Variants in HIF1AN observed in about 807,000 individuals in gnomAD.
HIF1AN encodes hypoxia inducible factor 1 subunit alpha inhibitor.
In HIF1AN, 21 loss-of-function variants were observed where a neutral mutation model predicts 47.7. The observed-to-expected ratio is 0.44, with a 90% CI of 0.31 to 0.63. The LOEUF is 0.63. Ranked by LOEUF, HIF1AN falls within the 30% of genes least tolerant of loss-of-function variation. HIF1AN has a pLI of 0.07. For synonymous variants in HIF1AN, 152 were observed against 155.9 expected (o/e 0.98, Z 0.18); for missense variants, 320 against 432.7 (o/e 0.74, Z 2.31).
chr10:100,536,612 G>A lies in HIF1AN; in HGVS notation c.379G>A (p.Glu127Lys). Reference protein sequence around the residue: ...RSNREEMKFHEFVEKLQDIQQ... With the variant: ...RSNREEMKFHKFVEKLQDIQQ... ...CAACAGGGAAGAAATGAAATTTCAT[G>A]AGTTCGTTGAGAAACTGCAGGATAT... is the stretch of plus-strand genomic sequence containing the variant. Residue 127 changes from glutamate (E) to lysine (K), a missense_variant, in exon 2 of 8, where the codon GAG becomes AAG. Physicochemically the swap from Glu to Lys is moderately conservative, Grantham distance 56. Transcript: ENST00000299163. 6.2e-7 allele frequency: 1 copy of A among 1,614,192 alleles called. No individual in the cohort carries two copies. Among genetic ancestry groups the A allele is most frequent in the Non-Finnish European group, 8.5e-7 (1 of 1,180,024 alleles).
At chr10:100,544,714 T>C (rs1283811465) in intron 3 of HIF1AN, among the ~76,000 whole-genome samples, 1 of 152,198 alleles carries the variant, frequency 6.6e-6, no homozygotes, top group East Asian at 1.9e-4. Context: ...TTTAGGGAAG[T>C]TGACTTAGCT....
In HIF1AN at chr10:100,546,386, T is replaced by C. The variant is rs565304779; in HGVS notation, c.831-132T>C. 263 of 712,910 alleles carry C rather than the reference T, an allele frequency of 3.7e-4. 1 individual carries two copies. Among genetic ancestry groups the C allele is most frequent in the Admixed American group, 1.3e-3 (55 of 42,008 alleles). The allele number at this position is 712,910 out of a possible 1,614,324, so 44.2% of individuals were successfully genotyped here. A position where few individuals can be genotyped will look rare whatever the true frequency, so the allele number is the denominator to read the frequency against. ...TTTTCACAGGATGAGTGTAAAGATATTGTCTTCACTATTTTCCGTAACTGG... is the reference window on the plus strand; with the variant it reads ...TTTTCACAGGATGAGTGTAAAGATACTGTCTTCACTATTTTCCGTAACTGG... On this transcript the variant is annotated intron_variant, in intron 5 of 7. Coordinates refer to ENST00000299163, the MANE Select transcript of HIF1AN (RefSeq NM_017902.3).
At chr10:100,545,623 A>G (rs1453142545) in intron 4 of HIF1AN, 2 of 262,352 alleles carry the variant, frequency 7.6e-6, no homozygotes, top group Non-Finnish European at 1.4e-5. Flanking sequence ...GTTTTTGGGA[A>G]AAGTTTCTGA....
chr10:100,551,800 A>G lies in HIF1AN; in HGVS notation c.*3663A>G, dbSNP rs942441887. 3.3e-5 allele frequency: 5 copies of G among 152,238 alleles called. No homozygotes were observed. Among genetic ancestry groups the G allele is most frequent in the Admixed American group, 2.0e-4 (3 of 15,282 alleles). The allele number at this position is 152,238 out of a possible 1,614,324, so 9.4% of individuals were successfully genotyped here. A position where few individuals can be genotyped will look rare whatever the true frequency, so the allele number is the denominator to read the frequency against. Reference sequence around the variant, plus strand: ...TCTGCTTAGTTGGGGAAGAAATTACATGAAGCAACCAGAGGTTATAAGGCC... The same window carrying G: ...TCTGCTTAGTTGGGGAAGAAATTACGTGAAGCAACCAGAGGTTATAAGGCC... On this transcript the variant is annotated 3_prime_UTR_variant, in exon 8 of 8. Transcript: ENST00000299163.
chr10:100,536,762 GCCTCT>G, intron 2 of HIF1AN, 101 bp downstream of exon 2: 1 of 1,299,360 alleles, frequency 7.7e-7, no homozygotes, highest in Non-Finnish European at 1.1e-6. Flanking sequence ...TTAGAGATTG[GCCTCT>G]CCCATCTCTG....
Position 100,554,921 on chromosome 10 carries a change from T to C in HIF1AN, c.*6784T>C, listed in dbSNP as rs565058525. On this transcript the variant is annotated 3_prime_UTR_variant, in exon 8 of 8. Coordinates refer to ENST00000299163, the MANE Select transcript of HIF1AN (RefSeq NM_017902.3). The stretch of plus-strand genomic sequence containing the variant: ...ATAGCTACCATTTGTTGAACACTTC[T>C]GTTCCAGGCACTGTATTAGTTCGTC... 1 of 152,232 alleles carries C rather than the reference T, an allele frequency of 6.6e-6. No individual in the cohort carries two copies. 9.4% of individuals were successfully genotyped at this position (152,232 alleles called of 1,614,324 possible). A position where few individuals can be genotyped will look rare whatever the true frequency, so the allele number is the denominator to read the frequency against.
intron 3 of HIF1AN, among the ~76,000 whole-genome samples, chr10:100,544,108 C>G (rs7088827): frequency 0.21 from 31,334 of 152,232 alleles, 3,360 homozygotes; most frequent in South Asian, 0.23. Context: ...CCAAACAACA[C>G]ACGTGGTCCT....
At chr10:100,545,240 A>G in intron 4 of HIF1AN, 144 bp downstream of exon 4, 3 of 809,762 alleles carry the variant, frequency 3.7e-6, no homozygotes, top group South Asian at 4.1e-5. Flanking sequence ...GGGTAATTTC[A>G]TTGTAGCTCA....
Position 100,548,428 on chromosome 10 carries a change from G to A in HIF1AN, c.*291G>A, listed in dbSNP as rs753783935. On this transcript the variant is annotated 3_prime_UTR_variant, in exon 8 of 8. Transcript: ENST00000299163. ...AGTCCCAGCTTTTGGTTGTCATCAT[G>A]TCTGTGTGTATGTTAGTCTGTCAAC... is the stretch of plus-strand genomic sequence containing the variant. 5.0e-5 allele frequency: 20 copies of A among 403,520 alleles called. No homozygotes were observed. Among genetic ancestry groups the A allele is most frequent in the Non-Finnish European group, 8.5e-5 (19 of 224,736 alleles). 25.0% of individuals were successfully genotyped at this position (403,520 alleles called of 1,614,324 possible).
At chr10:100,538,626 G>A (rs1403705998) in intron 2 of HIF1AN, among the ~76,000 whole-genome samples, 2 of 151,992 alleles carry the variant, frequency 1.3e-5, no homozygotes, top group East Asian at 3.9e-4. Context: ...TTCGAGACCA[G>A]CGTGGCTAAC....
In HIF1AN at chr10:100,549,217, A is replaced by T. The variant is rs1843130750; in HGVS notation, c.*1080A>T. 6.6e-6 allele frequency: 1 copy of T among 152,036 alleles called. No homozygotes were observed. Among genetic ancestry groups the T allele is most frequent in the Non-Finnish European group, 1.5e-5 (1 of 68,050 alleles). The allele number at this position is 152,036 out of a possible 1,614,324, so 9.4% of individuals were successfully genotyped here. On this transcript the variant is annotated 3_prime_UTR_variant, in exon 8 of 8. Coordinates refer to ENST00000299163, the MANE Select transcript of HIF1AN (RefSeq NM_017902.3). ...TGCCTGACCTATCCTAAGCTTTTAC[A>T]CTTGGATTTTAGCCATCATATGTTG... is the stretch of plus-strand genomic sequence containing the variant.
chr10:100,540,565 G>A (rs1251195230), intron 2 of HIF1AN, 69 bp from the exon 3 acceptor site: 1 of 1,564,744 alleles, frequency 6.4e-7, no homozygotes, highest in South Asian at 1.1e-5. Context: ...TGGATTTTCA[G>A]ATGTGGAGAG....
chr10:100,540,084 C>T (rs12413254), intron 2 of HIF1AN, among the ~76,000 whole-genome samples: 3,721 of 152,098 alleles, frequency 0.024, 124 homozygotes, highest in Admixed American at 0.085. Flanking sequence ...TCTCAGCTCA[C>T]TGCAACCTCT....
rs1020551480 is a variant in HIF1AN at position 100,549,005 on chromosome 10, CTGTG to C, written c.*873_*876del. 13 of 152,284 alleles carry C rather than the reference CTGTG, an allele frequency of 8.5e-5. No individual in the cohort carries two copies. Among genetic ancestry groups the C allele is most frequent in the South Asian group, 2.1e-4 (1 of 4,794 alleles). The allele number at this position is 152,284 out of a possible 1,614,324, so 9.4% of individuals were successfully genotyped here. On this transcript the variant is annotated 3_prime_UTR_variant, in exon 8 of 8. Coordinates refer to ENST00000299163, the MANE Select transcript of HIF1AN (RefSeq NM_017902.3). ...CCTCTGTGTGTTTGTTTGTGTGTGT[CTGTG>C]TGTGCGTATCCACACTAGGGGTGCA... is the stretch of plus-strand genomic sequence containing the variant.
rs1843193794 is a variant in HIF1AN at position 100,554,174 on chromosome 10, A to G, written c.*6037A>G. ...CTACCAGCCCAGGGCCTTGGGTGAGAAGGTTTCAGGTCTGAGCTCCCCTTG... is the reference window on the plus strand; with the variant it reads ...CTACCAGCCCAGGGCCTTGGGTGAGGAGGTTTCAGGTCTGAGCTCCCCTTG... On this transcript the variant is annotated 3_prime_UTR_variant, in exon 8 of 8. Coordinates refer to ENST00000299163, the MANE Select transcript of HIF1AN (RefSeq NM_017902.3). 6.6e-6 allele frequency: 1 copy of G among 152,114 alleles called. No homozygotes were observed. Among genetic ancestry groups the G allele is most frequent in the African/African-American group, 2.4e-5 (1 of 41,396 alleles). 9.4% of individuals were successfully genotyped at this position (152,114 alleles called of 1,614,324 possible). A position where few individuals can be genotyped will look rare whatever the true frequency, so the allele number is the denominator to read the frequency against.
chr10:100,543,918 G>A (rs1324627479), intron 3 of HIF1AN, among the ~76,000 whole-genome samples: 1 of 152,188 alleles, frequency 6.6e-6, no homozygotes, highest in Non-Finnish European at 1.5e-5. Context: ...TCCTGTGGTA[G>A]GGTGCATGGA....
At position 100,550,228 on chromosome 10, in the gene HIF1AN, A is replaced by G. The variant is rs1019319807; in HGVS notation, c.*2091A>G. On this transcript the variant is annotated 3_prime_UTR_variant, in exon 8 of 8. Transcript: ENST00000299163. Reference sequence around the variant, plus strand: ...GTTATTTGCTGACACAGGTCTCACTAAGGTGGCTGAGGGGTGGGAGGGAGA... The same window carrying G: ...GTTATTTGCTGACACAGGTCTCACTGAGGTGGCTGAGGGGTGGGAGGGAGA... 6 of 152,250 alleles carry G rather than the reference A, an allele frequency of 3.9e-5. No individual in the cohort carries two copies. Among genetic ancestry groups the G allele is most frequent in the Admixed American group, 2.6e-4 (4 of 15,284 alleles). The allele number at this position is 152,250 out of a possible 1,614,324, so 9.4% of individuals were successfully genotyped here.
chr10:100,538,062 T>C (rs181249348), intron 2 of HIF1AN, among the ~76,000 whole-genome samples: 1 of 152,374 alleles, frequency 6.6e-6, no homozygotes, highest in African/African-American at 2.4e-5. Context: ...GTAATTCCAT[T>C]GAATGAACAT....
At chr10:100,536,348 G>A in intron 1 of HIF1AN, 63 bp from the exon 2 acceptor site, 3 of 1,586,238 alleles carry the variant, frequency 1.9e-6, no homozygotes, top group Non-Finnish European at 2.6e-6. Flanking sequence ...GATCATGGAG[G>A]CCAACCCACC....
Sources: allele counts gnomAD v4.1 joint callset (sites outside exome capture counted in the v4.1 genomes callset), GRCh38; gene constraint gnomAD v4.1.1; transcripts MANE v1.5; gene names NCBI Gene and HGNC (gene_info 2026-07-23, HGNC 2026-07-21).